CREB3L4: variants seen among roughly 807,000 people sequenced by gnomAD.
The protein encoded by CREB3L4 is cyclic AMP-responsive element-binding protein 3-like protein 4.
Under a neutral mutation model 37.0 loss-of-function variants are expected in CREB3L4, and 28 were observed. The observed-to-expected ratio is 0.76, with a 90% CI of 0.56 to 1.04. The LOEUF (loss-of-function observed/expected upper bound fraction) is 1.04, where lower values mean the gene tolerates loss of function less well. Ranked by LOEUF, CREB3L4 falls within the 50% of genes least tolerant of loss-of-function variation. CREB3L4 has a pLI of 0.00. For synonymous variants in CREB3L4, 175 were observed against 192.2 expected, an observed-to-expected ratio of 0.91 and a Z score of 0.74; for missense variants, 462 against 486.0, an observed-to-expected ratio of 0.95 and a Z score of 0.46.
chr1:153,967,581 GT>G (rs1471201864), upstream of CREB3L4: 1 of 152,232 alleles, frequency 6.6e-6, no homozygotes, highest in Non-Finnish European at 1.5e-5. Context: ...AGCCCGGGAG[GT>G]CGGGGGCTGC....
At chr1:153,969,718 C>A (rs1453893315) in intron 4 of CREB3L4, 2 of 405,596 alleles carry the variant, frequency 4.9e-6, no homozygotes, top group African/African-American at 2.0e-5. Context: ...TCAAGCAATC[C>A]TCCTGCCTCA....
chr1:153,970,592 G>T (rs960274322), intron 4 of CREB3L4, among the ~76,000 whole-genome samples: 1 of 152,140 alleles, frequency 6.6e-6, no homozygotes, highest in African/African-American at 2.4e-5. Context: ...CCAAGGCTGG[G>T]TAAAGAGGGG....
chr1:153,968,382 G>A (rs1489248533), intron 1 of CREB3L4, 140 bp from the exon 2 acceptor site: 1 of 691,778 alleles, frequency 1.4e-6, no homozygotes, highest in African/African-American at 1.9e-5. Flanking sequence ...GAGGGGACAG[G>A]TGAGGGGGCT....
intron 1 of CREB3L4, 48 bp downstream of exon 1, chr1:153,968,212 C>G: frequency 4.7e-6 from 1 of 214,136 alleles, no homozygotes; most frequent in South Asian, 1.1e-4. Flanking sequence ...GTTTGGCTGG[C>G]AGGTCCAGGA....
intron 8 of CREB3L4, 71 bp from the exon 9 acceptor site, chr1:153,973,549 C>A: frequency 6.4e-7 from 1 of 1,562,918 alleles, no homozygotes; most frequent in Non-Finnish European, 8.8e-7. Flanking sequence ...TTCCCACATC[C>A]GATAACCCCA....
In CREB3L4 at chr1:153,972,465, G is replaced by A. The variant is rs567139010; in HGVS notation, c.544-279G>A. Reference sequence around the variant, plus strand: ...TATGGGGAGACATGGACCAGAATAAGCCTTCTCTAGCTTGCTCAGAGTGCC... The same window carrying A: ...TATGGGGAGACATGGACCAGAATAAACCTTCTCTAGCTTGCTCAGAGTGCC... On this transcript the variant is annotated intron_variant, in intron 4 of 9. Coordinates refer to ENST00000368607, the MANE Select transcript of CREB3L4 (RefSeq NM_001255978.2). Among the ~76,000 whole-genome samples, 4 of 152,312 alleles carry A rather than the reference G, an allele frequency of 2.6e-5. No homozygotes were observed. The South Asian group carries it at 8.3e-4, about 32-fold the overall frequency.
rs776440714 is a variant in CREB3L4, at chr1:153,972,859, A to G, written c.636+23A>G. On this transcript the variant is annotated intron_variant, in intron 5 of 9. Transcript: ENST00000368607. ...AAGGTAACATGCTTCCCCTAAGGGT[A>G]TCCCAACCCAGGGGCCTCACCATGA... The G allele has an allele frequency of 1.1e-5, 18 of 1,608,842 alleles. No individual in the cohort carries two copies. The South Asian group carries it at 2.0e-4, about 18-fold the overall frequency.
At chr1:153,973,586 G>C in intron 8 of CREB3L4, 34 bp from the exon 9 acceptor site, 1 of 1,590,510 alleles carries the variant, frequency 6.3e-7, no homozygotes, top group Non-Finnish European at 8.6e-7. Flanking sequence ...TCTACCCCCT[G>C]CTCCCTTCAT....
Position 153,968,721 on chromosome 1 carries a change from G to C in CREB3L4, c.174+22G>C, listed in dbSNP as rs148385746. The C allele has an allele frequency of 6.5e-4, 1,051 of 1,613,322 alleles. 15 individuals carry two copies. The African/African-American group carries it at 0.012, about 19-fold the overall frequency. Reference sequence around the variant, plus strand: ...CTGTGTGAGTGTGACGAGTGGGAGTGGGGGTGGGGTTGAGACACAACTCTG... The same window carrying C: ...CTGTGTGAGTGTGACGAGTGGGAGTCGGGGTGGGGTTGAGACACAACTCTG... On this transcript the variant is annotated intron_variant, in intron 2 of 9. Transcript: ENST00000368607.
chr1:153,973,147 G>A, intron 6 of CREB3L4, 48 bp from the exon 7 acceptor site: 4 of 1,612,222 alleles, frequency 2.5e-6, no homozygotes, highest in Non-Finnish European at 3.4e-6. Flanking sequence ...GGGAGGCAAG[G>A]TAAGGGACTC....
Position 153,974,285 on chromosome 1 carries a change from T to C in CREB3L4, c.*220T>C. Reference sequence around the variant, plus strand: ...CTCAAATACTTCTGTTATGTATCTGTGATTTTATTTCTTCTTTGGGTATAG... The same window carrying C: ...CTCAAATACTTCTGTTATGTATCTGCGATTTTATTTCTTCTTTGGGTATAG... On this transcript the variant is annotated 3_prime_UTR_variant, in exon 10 of 10. Coordinates refer to ENST00000368607, the MANE Select transcript of CREB3L4 (RefSeq NM_001255978.2). The C allele has an allele frequency of 2.0e-6, 1 of 505,994 alleles. No individual in the cohort carries two copies. Among genetic ancestry groups the C allele is most frequent in the Non-Finnish European group, 3.5e-6 (1 of 285,672 alleles). 31.3% of individuals were successfully genotyped at this position (505,994 alleles called of 1,614,324 possible).
At chr1:153,969,926 A>AT (rs982207975) in intron 4 of CREB3L4, among the ~76,000 whole-genome samples, 32,269 of 117,888 alleles carry the variant, frequency 0.27, 4,980 homozygotes, top group Admixed American at 0.35. Flanking sequence ...AACATGAACA[A>AT]TTTTTTTTTT....
chr1:153,972,223 G>A (rs1648442746), intron 4 of CREB3L4, among the ~76,000 whole-genome samples: 1 of 152,226 alleles, frequency 6.6e-6, no homozygotes, highest in Non-Finnish European at 1.5e-5. Flanking sequence ...CCTTTGGGAA[G>A]CTCCTTGTAT....
chr1:153,968,374 G>T, intron 1 of CREB3L4, 148 bp from the exon 2 acceptor site: 1 of 646,560 alleles, frequency 1.5e-6, no homozygotes. Context: ...GAAATATCGA[G>T]GGGACAGGTG....
intron 7 of CREB3L4, 22 bp from the exon 8 acceptor site, chr1:153,973,358 C>T: frequency 3.7e-6 from 6 of 1,613,032 alleles, no homozygotes; most frequent in South Asian, 1.1e-5. Context: ...ATGATACTAA[C>T]TCTTCATTCC....
intron 4 of CREB3L4, among the ~76,000 whole-genome samples, chr1:153,971,421 G>A (rs1374667523): frequency 6.6e-6 from 1 of 151,648 alleles, no homozygotes; most frequent in South Asian, 2.1e-4. Flanking sequence ...AAGCACCATG[G>A]TGTTTGTAAA....
At chr1:153,969,552 T>C (rs1300181502) in intron 4 of CREB3L4, 97 bp downstream of exon 4, 12 of 1,433,578 alleles carry the variant, frequency 8.4e-6, no homozygotes, top group African/African-American at 1.4e-5. Context: ...GATGATGAAC[T>C]GCCTTTGCCC....
intron 4 of CREB3L4, among the ~76,000 whole-genome samples, chr1:153,972,173 G>A (rs561467200): frequency 7.2e-5 from 11 of 152,180 alleles, no homozygotes; most frequent in African/African-American, 2.4e-4. Context: ...TCCACTCTCC[G>A]TACATCCTCT....
intron 2 of CREB3L4, 94 bp downstream of exon 2, chr1:153,968,793 C>A (rs912436795): frequency 1.3e-6 from 2 of 1,551,576 alleles, no homozygotes; most frequent in Admixed American, 1.8e-5. Flanking sequence ...TGAAAACAGA[C>A]CACCCCCAAA....
Sources: gnomAD v4.1 joint callset for allele counts (sites outside exome capture counted in the v4.1 genomes callset) on GRCh38, gnomAD v4.1.1 for gene constraint, MANE v1.5 for transcripts, NCBI Gene and HGNC (gene_info 2026-07-23, HGNC 2026-07-21) for gene names.